Variants in BLM observed in about 807,000 individuals in gnomAD.
BLM encodes the protein BLM RecQ like helicase, also known as recQ-like DNA helicase BLM.
A neutral mutation model predicts 135.3 loss-of-function variants in BLM; 95 were observed. That is an observed-to-expected ratio of 0.70 (90% CI 0.59 to 0.83). BLM has a LOEUF of 0.83. BLM is among the 40% of genes least tolerant of loss of function. BLM has a pLI of 0.00. For synonymous variants in BLM, 520 were observed against 589.2 expected (o/e 0.88, Z 1.70); for missense variants, 1,518 against 1,663.9 (o/e 0.91, Z 1.53).
chr15:90,785,170 C>T (rs1178456686), intron 14 of BLM, 89 bp downstream of exon 14: 34 of 1,368,460 alleles, frequency 2.5e-5, no homozygotes, highest in Non-Finnish European at 3.2e-5. Flanking sequence ...ACTGTTTTTA[C>T]CTTGAAGGTA....
chr15:90,747,766 G>C (rs766790712), intron 2 of BLM: 6 of 373,256 alleles, frequency 1.6e-5, no homozygotes, highest in African/African-American at 6.2e-5. Context: ...GGGCAAATAA[G>C]TGTTTTTTAA....
Position 90,790,430 on chromosome 15 carries a change from T to G in BLM, c.2824-219T>G, listed in dbSNP as rs940695842. 1.8e-5 allele frequency: 10 copies of G among 567,968 alleles called. 1 individual carries two copies. Among genetic ancestry groups the G allele is most frequent in the Non-Finnish European group, 2.2e-5 (7 of 319,954 alleles). 35.2% of individuals were successfully genotyped at this position (567,968 alleles called of 1,614,324 possible). On this transcript the variant is annotated intron_variant, in intron 14 of 21. Transcript: ENST00000355112. ...CAAGAAAGTGCCTGCCATGCTGAGC[T>G]TCTCTTTACCTTCTTGGGTTTTAAT...
chr15:90,794,423 T>C (rs967818910), intron 16 of BLM, 66 bp downstream of exon 16: 46 of 1,297,542 alleles, frequency 3.5e-5, no homozygotes, highest in Non-Finnish European at 4.8e-5. Flanking sequence ...AAAATGTAGA[T>C]ACAAATTAGA....
chr15:90,724,382 C>G (rs1894852076), intron 1 of BLM, among the ~76,000 whole-genome samples: 1 of 152,122 alleles, frequency 6.6e-6, no homozygotes, highest in Non-Finnish European at 1.5e-5. Context: ...ACTCCATTTC[C>G]TCTCTACTCT....
At chr15:90,771,406 G>A (rs1896311913) in intron 12 of BLM, among the ~76,000 whole-genome samples, 1 of 152,050 alleles carries the variant, frequency 6.6e-6, no homozygotes, top group African/African-American at 2.4e-5. Context: ...AGAATTGCTT[G>A]AACCCAGGAG....
At chr15:90,808,520 A>C (rs773127500) in intron 19 of BLM, among the ~76,000 whole-genome samples, 2 of 152,100 alleles carry the variant, frequency 1.3e-5, no homozygotes, top group Non-Finnish European at 2.9e-5. Flanking sequence ...TCTTTCCTTT[A>C]CAGTCAAGTT....
At chr15:90,766,773 A>G (rs1596235588) in intron 9 of BLM, 137 bp from the exon 10 acceptor site, 1 of 632,686 alleles carries the variant, frequency 1.6e-6, no homozygotes, top group East Asian at 2.9e-5. Flanking sequence ...GTACTTACAT[A>G]CTTGTTATGT....
chr15:90,780,869 TAA>T (rs949901007), intron 12 of BLM, among the ~76,000 whole-genome samples: 2 of 152,246 alleles, frequency 1.3e-5, no homozygotes, highest in African/African-American at 4.8e-5. Flanking sequence ...AGAGATGGTT[TAA>T]AGTGTGCAGG....
chr15:90,722,171 G>A (rs1466436653), intron 1 of BLM, among the ~76,000 whole-genome samples: 1 of 151,640 alleles, frequency 6.6e-6, no homozygotes, highest in Non-Finnish European at 1.5e-5. Context: ...GTGCAGTGGC[G>A]CAATCTTGGC....
chr15:90,766,686 C>T (rs376365980), intron 9 of BLM, among the ~76,000 whole-genome samples: 36 of 152,160 alleles, frequency 2.4e-4, no homozygotes, highest in African/African-American at 8.4e-4. Flanking sequence ...CCTCAGCCTC[C>T]CAAAATGCTG....
At chr15:90,724,651 C>T (rs1237170178) in intron 1 of BLM, among the ~76,000 whole-genome samples, 1 of 152,126 alleles carries the variant, frequency 6.6e-6, no homozygotes, top group Non-Finnish European at 1.5e-5. Flanking sequence ...AGATTATCAG[C>T]TTATTATAAA....
intron 15 of BLM, 85 bp downstream of exon 15, chr15:90,790,929 C>A: frequency 7.4e-7 from 1 of 1,346,258 alleles, no homozygotes; most frequent in South Asian, 1.2e-5. Flanking sequence ...TACTTCTGGT[C>A]CAGTTTTCCT....
rs28385053 is a variant in BLM at position 90,781,683 on chromosome 15, A to T, written c.2556-1139A>T. Among the ~76,000 whole-genome samples, 1,196 of 152,308 alleles carry T rather than the reference A, an allele frequency of 7.9e-3. 10 individuals carry two copies. Among genetic ancestry groups the T allele is most frequent in the Middle Eastern group, 0.034 (10 of 294 alleles). On this transcript the variant is annotated intron_variant, in intron 12 of 21. Transcript: ENST00000355112. ...AGCTGATGAGCTTTATAAAAGAATCATAAAAAATCTCACTGTTTTAAGAGA... is the reference window on the plus strand; with the variant it reads ...AGCTGATGAGCTTTATAAAAGAATCTTAAAAAATCTCACTGTTTTAAGAGA...
intron 1 of BLM, among the ~76,000 whole-genome samples, chr15:90,718,551 A>C (rs761549295): frequency 1.3e-5 from 2 of 152,228 alleles, no homozygotes; most frequent in Non-Finnish European, 2.9e-5. Flanking sequence ...AGGCAAAAGT[A>C]TTCTGTTTGG....
intron 10 of BLM, among the ~76,000 whole-genome samples, chr15:90,768,682 C>T (rs1896205818): frequency 2.0e-5 from 3 of 152,284 alleles, no homozygotes; most frequent in Admixed American, 6.5e-5. Flanking sequence ...CTGTTCTCTT[C>T]ATAGATTGAA....
At chr15:90,800,955 C>G (rs181315116) in intron 17 of BLM, among the ~76,000 whole-genome samples, 1 of 152,232 alleles carries the variant, frequency 6.6e-6, no homozygotes, top group Non-Finnish European at 1.5e-5. Flanking sequence ...TGAGACCAGC[C>G]TGGCCAACAT....
chr15:90,780,683 T>A (rs1001137549), intron 12 of BLM, among the ~76,000 whole-genome samples: 4 of 152,234 alleles, frequency 2.6e-5, no homozygotes, highest in Non-Finnish European at 4.4e-5. Context: ...GATTTGAATT[T>A]GCTGAGCACC....
chr15:90,760,523 C>A, intron 6 of BLM, 71 bp from the exon 7 acceptor site: 1 of 1,454,852 alleles, frequency 6.9e-7, no homozygotes, highest in Non-Finnish European at 9.4e-7. Flanking sequence ...ATGAAAACTA[C>A]AGATTTGCTT....
intron 17 of BLM, 88 bp downstream of exon 17, chr15:90,798,425 G>C: frequency 7.1e-7 from 1 of 1,408,728 alleles, no homozygotes; most frequent in Non-Finnish European, 9.7e-7. Flanking sequence ...AAAACTTTTT[G>C]TCTATTTTCT....
Sources: gnomAD v4.1 joint callset for allele counts (sites outside exome capture counted in the v4.1 genomes callset) on GRCh38, gnomAD v4.1.1 for gene constraint, MANE v1.5 for transcripts, NCBI Gene and HGNC (gene_info 2026-07-23, HGNC 2026-07-21) for gene names.